ANO7: variants seen among roughly 807,000 people sequenced by gnomAD.
ANO7 encodes the protein anoctamin 7, also known as anoctamin-7.
A neutral mutation model predicts 115.8 loss-of-function variants in ANO7; 114 were observed. That is an observed-to-expected ratio of 0.98 (90% CI 0.85 to 1.15). ANO7 has a LOEUF of 1.15. Ranked by LOEUF, ANO7 falls within the 50% of genes most tolerant of loss-of-function variation. ANO7 has a pLI of 0.00. For synonymous variants in ANO7, 550 were observed against 498.2 expected, an observed-to-expected ratio of 1.10 and a Z score of -1.38; for missense variants, 1,302 against 1,201.2, an observed-to-expected ratio of 1.08 and a Z score of -1.24.
chr2:241,203,628 G>A lies in ANO7; in HGVS notation c.889+130G>A. 2 of 628,664 alleles carry A rather than the reference G, an allele frequency of 3.2e-6. No individual in the cohort carries two copies. Among genetic ancestry groups the A allele is most frequent in the East Asian group, 3.4e-5 (1 of 29,162 alleles). The allele number at this position is 628,664 out of a possible 1,614,324, so 38.9% of individuals were successfully genotyped here. A position where few individuals can be genotyped will look rare whatever the true frequency, so the allele number is the denominator to read the frequency against. On this transcript the variant is annotated intron_variant, in intron 9 of 24. Transcript: ENST00000674324. The surrounding 1 kb of genome is among the most constrained non-coding windows in gnomAD (Gnocchi z 4.8). ...GCCTGGACGGTGGGCGCAGCTCTTG[G>A]CTCGACCGGGCTGCCCTCCTGGCTC... is the stretch of plus-strand genomic sequence containing the variant.
chr2:241,189,288 C>T (rs2068131438), intron 1 of ANO7, among the ~76,000 whole-genome samples: 1 of 152,196 alleles, frequency 6.6e-6, no homozygotes. Flanking sequence ...TGGGCCTCCG[C>T]TAATGTGAAG....
At chr2:241,239,628 G>C in the ANO7 span, 1 of 1,614,030 alleles carries the variant, frequency 6.2e-7, no homozygotes. The surrounding 1 kb of genome is among the most constrained non-coding windows in gnomAD (Gnocchi z 4.6). Flanking sequence ...TCCTGAATGC[G>C]TTTCTTGGCT....
chr2:241,208,895 A>G (rs2068647937), intron 11 of ANO7, among the ~76,000 whole-genome samples: 1 of 152,140 alleles, frequency 6.6e-6, no homozygotes, highest in South Asian at 2.1e-4. Context: ...CACGCCTGTA[A>G]TCCCAGCACT....
At chr2:241,229,613 G>A, downstream of ANO7, 1 of 1,613,448 alleles carries the variant, frequency 6.2e-7, no homozygotes, top group Non-Finnish European at 8.5e-7. Context: ...ATCGTTTGGG[G>A]CCCCAAGGGA....
At chr2:241,191,078 G>A in intron 2 of ANO7, 116 bp from the exon 3 acceptor site, 3 of 1,150,174 alleles carry the variant, frequency 2.6e-6, no homozygotes, top group Non-Finnish European at 3.9e-6. Flanking sequence ...GAGTGTTCTG[G>A]GGCAGGGCGG....
At position 241,209,417 on chromosome 2, in the gene ANO7, G is replaced by C. The variant is rs745565247; in HGVS notation, c.1210G>C (p.Glu404Gln). The stretch of plus-strand genomic sequence containing the variant: ...CTACCGCTGGGACTGCTCTGACTAC[G>C]AGGACACTGAGGTGAGCCACCCCCG... ...LAYRWDCSDY[E>Q]DTEERPRPQF... Residue 404 changes from glutamate (E) to glutamine (Q), a missense_variant, in exon 12 of 25, where the codon GAG (glutamate) becomes CAG (glutamine). Physicochemically the swap from Glu to Gln is conservative, Grantham distance 29 (BLOSUM62 2). Transcript: ENST00000674324. The C allele has an allele frequency of 6.3e-7, 1 of 1,590,334 alleles. No homozygotes were observed. Among genetic ancestry groups the C allele is most frequent in the South Asian group, 1.1e-5 (1 of 87,946 alleles).
chr2:241,203,462 T>A lies in ANO7; in HGVS notation c.853T>A (p.Phe285Ile). 1 of 1,566,840 alleles carries A rather than the reference T, an allele frequency of 6.4e-7. No individual in the cohort carries two copies. Among genetic ancestry groups the A allele is most frequent in the Non-Finnish European group, 8.6e-7 (1 of 1,157,522 alleles). Residue 285 changes from phenylalanine (F) to isoleucine (I), a missense_variant, in exon 9 of 25, where the codon TTC becomes ATC. Phe to Ile is a conservative substitution (Grantham distance 21). Transcript: ENST00000674324. The surrounding 1 kb of genome is among the most constrained non-coding windows in gnomAD (Gnocchi z 4.8). Reference sequence around the variant, plus strand: ...GCCCCTGGACCACGTGCGCAGGTACTTCGGGGAGAAGGTGGCCCTCTACTT... The same window carrying A: ...GCCCCTGGACCACGTGCGCAGGTACATCGGGGAGAAGGTGGCCCTCTACTT... The part of the protein sequence containing the change: ...YQPLDHVRRY[F>I]GEKVALYFAW...
At chr2:241,220,191 T>C (rs13423762) in intron 21 of ANO7, among the ~76,000 whole-genome samples, 1,636 of 152,338 alleles carry the variant, frequency 0.011, 31 homozygotes, top group African/African-American at 0.037. Flanking sequence ...TCAGTAAAGG[T>C]ATGTGGTTAG....
chr2:241,217,813 G>C lies in ANO7; in HGVS notation c.2100G>C (p.Pro700=), dbSNP rs78605785. 40,541 of 1,609,236 alleles carry C rather than the reference G, an allele frequency of 0.025. 4,505 individuals are homozygous for C. The Admixed American group carries it at 0.31, about 12-fold the overall frequency. ...AGTTCGTCTGCGAGTACCGGCGCCC[G>C]GTGGCCGAGCGCGCCCAGGACATCG... ...ARKFVCEYRR[P]VAERAQDIGI... Residue 700 remains proline, a synonymous_variant, in exon 20 of 25, where the codon CCG becomes CCC. Coordinates refer to ENST00000674324, the MANE Select transcript of ANO7 (RefSeq NM_001370694.2).
intron 3 of ANO7, among the ~76,000 whole-genome samples, chr2:241,192,966 A>C (rs1388959592): frequency 1.3e-5 from 2 of 151,922 alleles, no homozygotes; most frequent in Non-Finnish European, 1.5e-5. Context: ...GTGGAGATGG[A>C]TGGTGGTCAT....
the ANO7 span, among the ~76,000 whole-genome samples, chr2:241,237,999 C>T: frequency 6.6e-6 from 1 of 152,246 alleles, no homozygotes; most frequent in Non-Finnish European, 1.5e-5. Flanking sequence ...GGCCACCTGC[C>T]GCCCAAACAG....
Position 241,211,286 on chromosome 2 carries a change from G to T in ANO7, c.1561+716G>T, listed in dbSNP as rs541975421. On this transcript the variant is annotated intron_variant, in intron 15 of 24. Transcript: ENST00000674324. ...GTGTGGGGTATCGGCTGCTGGGCTG[G>T]GCAGCCACCTCTCAGTTCTTCCCTC... Among the ~76,000 whole-genome samples, 3 of 151,858 alleles carry T rather than the reference G, an allele frequency of 2.0e-5. No homozygotes were observed. The East Asian group carries it at 5.8e-4, about 29-fold the overall frequency.
the ANO7 span, among the ~76,000 whole-genome samples, chr2:241,237,304 G>A: frequency 6.6e-6 from 1 of 152,312 alleles, no homozygotes; most frequent in African/African-American, 2.4e-5. Context: ...GAAAGCGAGA[G>A]CCCCAGAAGT....
intron 4 of ANO7, among the ~76,000 whole-genome samples, chr2:241,198,007 G>C (rs1338650580): frequency 6.6e-6 from 1 of 152,182 alleles, no homozygotes; most frequent in East Asian, 1.9e-4. Flanking sequence ...TGGACACTTA[G>C]CCATTGCTGG....
chr2:241,237,129 GGCAGACCCACT>G, the ANO7 span, among the ~76,000 whole-genome samples: 1 of 152,192 alleles, frequency 6.6e-6, no homozygotes, highest in Non-Finnish European at 1.5e-5. Flanking sequence ...AGGAACACAG[GGCAGACCCACT>G]GCACAAGTGA....
chr2:241,197,527 C>T (rs1038006272), intron 4 of ANO7, among the ~76,000 whole-genome samples: 1 of 152,172 alleles, frequency 6.6e-6, no homozygotes, highest in Non-Finnish European at 1.5e-5. Flanking sequence ...GCTGGGACTA[C>T]AGGCCCACAC....
chr2:241,231,610 G>A, the ANO7 span, among the ~76,000 whole-genome samples: 4 of 152,256 alleles, frequency 2.6e-5, no homozygotes, highest in African/African-American at 9.6e-5. Context: ...GCCCACGTGG[G>A]CCACAGTCTG....
chr2:241,223,520 C>T, intron 22 of ANO7, 142 bp from the exon 23 acceptor site: 1 of 1,356,766 alleles, frequency 7.4e-7, no homozygotes, highest in Non-Finnish European at 1.0e-6. Context: ...GGCCTCTGCC[C>T]CTTCTGGGGT....
intron 13 of ANO7, 130 bp downstream of exon 13, chr2:241,209,765 G>C: frequency 4.5e-6 from 6 of 1,318,904 alleles, no homozygotes; most frequent in Non-Finnish European, 6.0e-6. Context: ...ACTCCCCGCA[G>C]AGAGGCCCCC....
Sources: gnomAD v4.1 joint callset for allele counts (sites outside exome capture counted in the v4.1 genomes callset) on GRCh38, gnomAD v4.1.1 for gene constraint, Gnocchi (gnomAD v3.1) non-coding constraint, MANE v1.5 for transcripts, NCBI Gene and HGNC (gene_info 2026-07-23, HGNC 2026-07-21) for gene names.